Variants in KBTBD12 observed in about 807,000 individuals in gnomAD.
KBTBD12 encodes the protein kelch repeat and BTB domain-containing protein 12.
Under a neutral mutation model 58.7 loss-of-function variants are expected in KBTBD12, and 53 were observed. That is an observed-to-expected ratio of 0.90 (90% CI 0.72 to 1.14). KBTBD12 has a LOEUF of 1.14. KBTBD12 is among the 50% of genes most tolerant of loss of function. KBTBD12 has a pLI of 0.00. For missense variants in KBTBD12, 704 were observed against 751.3 expected, an observed-to-expected ratio of 0.94 and a Z score of 0.74; for synonymous variants, 236 against 259.8, an observed-to-expected ratio of 0.91 and a Z score of 0.88.
At chr3:127,950,593 G>A (rs1453485008) in intron 4 of KBTBD12, among the ~76,000 whole-genome samples, 1 of 151,990 alleles carries the variant, frequency 6.6e-6, no homozygotes, top group Non-Finnish European at 1.5e-5. Context: ...TATTACGCTG[G>A]GTGCTAAGGA....
rs79981459 is a variant in KBTBD12 at position 127,973,614 on chromosome 3, G to A, written c.1690+10228G>A. Among the ~76,000 whole-genome samples the A allele has an allele frequency of 6.3e-3, 950 of 150,684 alleles. 10 individuals are homozygous for A. The highest frequency in any genetic ancestry group is 0.022 in the African/African-American group (901 of 40,704). On this transcript the variant is annotated intron_variant, in intron 5 of 5. Transcript: ENST00000405109. ...TATTTAGGAGTGAAGTATTATGCCT[G>A]TAATTGATTTTTCAAGGTTTCAGGA...
chr3:127,934,212 A>G (rs1248711051), intron 4 of KBTBD12, among the ~76,000 whole-genome samples: 1 of 152,176 alleles, frequency 6.6e-6, no homozygotes, highest in African/African-American at 2.4e-5. Context: ...GAATTAAAGG[A>G]AAATATGACC....
chr3:127,953,737 T>C (rs1940259066), intron 4 of KBTBD12, among the ~76,000 whole-genome samples: 1 of 152,194 alleles, frequency 6.6e-6, no homozygotes, highest in African/African-American at 2.4e-5. Context: ...TACTGGATAG[T>C]TTTTCCTGGA....
intron 4 of KBTBD12, among the ~76,000 whole-genome samples, chr3:127,942,923 A>AG (rs986071106): frequency 1.3e-5 from 2 of 152,112 alleles, no homozygotes; most frequent in Non-Finnish European, 2.9e-5. Context: ...GACAGATCCC[A>AG]GGGGCATGCT....
At chr3:127,926,400 A>G (rs569435043) in intron 2 of KBTBD12, among the ~76,000 whole-genome samples, 2 of 152,330 alleles carry the variant, frequency 1.3e-5, no homozygotes, top group Non-Finnish European at 2.9e-5. Context: ...ACAGATACCT[A>G]TTCCTCCTTT....
intron 5 of KBTBD12, among the ~76,000 whole-genome samples, chr3:127,981,041 G>A (rs1940864494): frequency 6.6e-6 from 1 of 151,910 alleles, no homozygotes; most frequent in Admixed American, 6.6e-5. Flanking sequence ...TTTCTTTACT[G>A]GAGTACTTTA....
At chr3:127,919,795 T>A (rs185145075) in intron 1 of KBTBD12, among the ~76,000 whole-genome samples, 127 of 152,258 alleles carry the variant, frequency 8.3e-4, no homozygotes, top group African/African-American at 2.9e-3. Flanking sequence ...AATATATATA[T>A]ATATGTATAT....
rs1940164137 is a variant in KBTBD12 at position 127,949,701 on chromosome 3, A to C, written c.1493-13488A>C. Among the ~76,000 whole-genome samples, 3 of 152,186 alleles carry C rather than the reference A, an allele frequency of 2.0e-5. No homozygotes were observed. The South Asian group carries it at 6.2e-4, about 31-fold the overall frequency. Reference sequence around the variant, plus strand: ...CTGTAAGACCCTGTCACAAAATCCAAGTTGCGAAACAGAATGGATGAAATT... The same window carrying C: ...CTGTAAGACCCTGTCACAAAATCCACGTTGCGAAACAGAATGGATGAAATT... On this transcript the variant is annotated intron_variant, in intron 4 of 5. Coordinates refer to ENST00000405109, the MANE Select transcript of KBTBD12 (RefSeq NM_207335.4).
intron 4 of KBTBD12, among the ~76,000 whole-genome samples, chr3:127,935,313 A>C (rs910359768): frequency 6.6e-6 from 1 of 152,186 alleles, no homozygotes; most frequent in African/African-American, 2.4e-5. Flanking sequence ...TGACAATATC[A>C]GAGAGTAGAG....
chr3:127,970,541 A>G (rs114681885), intron 5 of KBTBD12, among the ~76,000 whole-genome samples: 1,584 of 152,374 alleles, frequency 0.01, 14 homozygotes, highest in Non-Finnish European at 0.019. Flanking sequence ...AGATGGACAG[A>G]TAAGTAAAAT....
At chr3:127,919,619 A>G (rs1939348291) in intron 1 of KBTBD12, among the ~76,000 whole-genome samples, 1 of 152,196 alleles carries the variant, frequency 6.6e-6, no homozygotes, top group South Asian at 2.1e-4. Context: ...TGCCAGCGAT[A>G]TTGAGGTGGA....
chr3:127,957,730 T>C (rs116490156), intron 4 of KBTBD12, among the ~76,000 whole-genome samples: 1 of 152,176 alleles, frequency 6.6e-6, no homozygotes, highest in Non-Finnish European at 1.5e-5. Context: ...TGTTCAGTGT[T>C]TGTGTCTTCA....
intron 4 of KBTBD12, among the ~76,000 whole-genome samples, chr3:127,962,212 C>T (rs1302844765): frequency 6.6e-6 from 1 of 152,222 alleles, no homozygotes; most frequent in African/African-American, 2.4e-5. Context: ...GGGTTTACCT[C>T]AGTCTCAGGA....
intron 4 of KBTBD12, among the ~76,000 whole-genome samples, chr3:127,931,065 A>C (rs1023130198): frequency 6.6e-6 from 1 of 152,196 alleles, no homozygotes; most frequent in African/African-American, 2.4e-5. Context: ...TACCTATGCC[A>C]ATTCTTTATT....
chr3:127,985,156 C>G lies in KBTBD12; in HGVS notation c.*878C>G, dbSNP rs1940943216. The G allele has an allele frequency of 6.6e-6, 1 of 152,256 alleles. No homozygotes were observed. The highest frequency in any genetic ancestry group is 1.9e-4 in the East Asian group (1 of 5,186). The allele number at this position is 152,256 out of a possible 1,614,324, so 9.4% of individuals were successfully genotyped here. The stretch of plus-strand genomic sequence containing the variant: ...TTGCCCACCTCTCAGACACATACAA[C>G]CATCTGCAGGGTAGTCCTGGCTGAA... On this transcript the variant is annotated 3_prime_UTR_variant, in exon 6 of 6. Coordinates refer to ENST00000405109, the MANE Select transcript of KBTBD12 (RefSeq NM_207335.4).
chr3:127,976,946 T>A (rs1940794795), intron 5 of KBTBD12, among the ~76,000 whole-genome samples: 1 of 152,170 alleles, frequency 6.6e-6, no homozygotes, highest in South Asian at 2.1e-4. Context: ...GTGTACAGAT[T>A]ATTTCATCAT....
intron 5 of KBTBD12, among the ~76,000 whole-genome samples, chr3:127,967,510 G>T (rs532079659): frequency 1.3e-5 from 2 of 152,272 alleles, no homozygotes; most frequent in African/African-American, 4.8e-5. Context: ...AGCCAAGTCC[G>T]CATTCTTCAC....
Position 127,923,577 on chromosome 3 carries a change from C to G in KBTBD12, c.516C>G (p.Ile172Met), listed in dbSNP as rs565185648. ...GCTTACATGAAGAAATACTAGAAAT[C>G]GAAGTGCACCAATTTTTGACACTTA... ...EVSLHEEILE[I>M]EVHQFLTLIK... The change falls in exon 2 of 6, where the codon ATC (isoleucine) becomes ATG (methionine). Residue 172 changes from isoleucine to methionine, a missense_variant. By Grantham distance (10) the Ile-to-Met change is conservative. Transcript: ENST00000405109. The G allele has an allele frequency of 1.2e-6, 2 of 1,613,340 alleles. No homozygotes were observed. Among genetic ancestry groups the G allele is most frequent in the Admixed American group, 1.7e-5 (1 of 59,886 alleles).
intron 4 of KBTBD12, among the ~76,000 whole-genome samples, chr3:127,939,388 C>T (rs751484584): frequency 7.9e-5 from 12 of 151,906 alleles, no homozygotes; most frequent in African/African-American, 1.9e-4. Context: ...AAAAAGGGAA[C>T]ATTTGGGAAC....
Sources: allele counts gnomAD v4.1 joint callset (sites outside exome capture counted in the v4.1 genomes callset), GRCh38; gene constraint gnomAD v4.1.1; transcripts MANE v1.5; gene names NCBI Gene and HGNC (gene_info 2026-07-23, HGNC 2026-07-21).